PREX2: variants seen among roughly 807,000 people sequenced by gnomAD.
PREX2 encodes phosphatidylinositol-3,4,5-trisphosphate dependent Rac exchange factor 2, also known as phosphatidylinositol 3,4,5-trisphosphate-dependent Rac exchanger 2 protein.
A neutral mutation model predicts 203.2 loss-of-function variants in PREX2; 107 were observed. That is an observed-to-expected ratio of 0.53 (90% CI 0.45 to 0.62). The LOEUF is 0.62. Ranked by LOEUF, PREX2 falls within the 20% of genes least tolerant of loss-of-function variation. PREX2 has a pLI of 0.00. For synonymous variants in PREX2, 672 were observed against 663.6 expected, an observed-to-expected ratio of 1.01 and a Z score of -0.19; for missense variants, 1,777 against 1,955.9, an observed-to-expected ratio of 0.91 and a Z score of 1.72.
chr8:68,171,585 T>A (rs548844713), intron 35 of PREX2, among the ~76,000 whole-genome samples: 16 of 152,274 alleles, frequency 1.1e-4, no homozygotes, highest in African/African-American at 3.8e-4. Flanking sequence ...AGGAACAGCA[T>A]GAGAAAGTGA....
intron 21 of PREX2, among the ~76,000 whole-genome samples, chr8:68,095,351 T>C (rs1810027015): frequency 6.6e-6 from 1 of 152,062 alleles, no homozygotes; most frequent in Admixed American, 6.5e-5. Flanking sequence ...ATCCTGACAC[T>C]AGCTGTGGGC....
At chr8:68,160,694 A>G (rs1039690735) in intron 35 of PREX2, among the ~76,000 whole-genome samples, 2 of 152,208 alleles carry the variant, frequency 1.3e-5, no homozygotes, top group Non-Finnish European at 2.9e-5. Flanking sequence ...AAATAGGATC[A>G]TAAGTAACTA....
chr8:68,022,221 A>T lies in PREX2; in HGVS notation c.441+81A>T, dbSNP rs16934008. On this transcript the variant is annotated intron_variant, in intron 4 of 39. Transcript: ENST00000288368. ...GAGCCAAGGAATAGCATCAATATGGAGTAAAAATCTGTGGGATACCTCTGT... is the reference window on the plus strand; with the variant it reads ...GAGCCAAGGAATAGCATCAATATGGTGTAAAAATCTGTGGGATACCTCTGT... 3.3e-3 allele frequency: 2,483 copies of T among 741,224 alleles called. 20 individuals are homozygous for T. Among genetic ancestry groups the T allele is most frequent in the African/African-American group, 0.026 (1,522 of 57,504 alleles). The allele number at this position is 741,224 out of a possible 1,614,324, so 45.9% of individuals were successfully genotyped here.
chr8:67,968,536 G>A (rs1189205358), intron 1 of PREX2, among the ~76,000 whole-genome samples: 1 of 152,176 alleles, frequency 6.6e-6, no homozygotes, highest in Non-Finnish European at 1.5e-5. Flanking sequence ...TATAACCAAA[G>A]GGAAGGAATT....
chr8:68,049,645 T>C (rs114036446), intron 8 of PREX2, among the ~76,000 whole-genome samples: 2,260 of 152,226 alleles, frequency 0.015, 48 homozygotes, highest in African/African-American at 0.051. Flanking sequence ...AATTTGGATA[T>C]TCCACATTTA....
intron 1 of PREX2, among the ~76,000 whole-genome samples, chr8:67,966,145 G>C (rs1006765110): frequency 7.2e-5 from 11 of 152,112 alleles, no homozygotes; most frequent in African/African-American, 2.7e-4. Flanking sequence ...TATTTCTATA[G>C]ATGAGGATTT....
intron 1 of PREX2, among the ~76,000 whole-genome samples, chr8:67,992,176 G>A (rs1806630546): frequency 6.6e-6 from 1 of 152,122 alleles, no homozygotes; most frequent in African/African-American, 2.4e-5. Flanking sequence ...CCAAAGCTAA[G>A]ATACGAGTGC....
At chr8:68,198,529 TTTG>T (rs1343529894) in intron 37 of PREX2, among the ~76,000 whole-genome samples, 1 of 152,252 alleles carries the variant, frequency 6.6e-6, no homozygotes, top group East Asian at 1.9e-4. Flanking sequence ...GGTGTTTTAA[TTTG>T]TTTTGGTTCT....
At chr8:68,031,329 A>C (rs1807876668) in intron 6 of PREX2, among the ~76,000 whole-genome samples, 1 of 152,202 alleles carries the variant, frequency 6.6e-6, no homozygotes, top group South Asian at 2.1e-4. Flanking sequence ...ACATTGCCTT[A>C]ATTTATATGA....
intron 37 of PREX2, among the ~76,000 whole-genome samples, chr8:68,208,875 G>A (rs2129615070): frequency 6.6e-6 from 1 of 151,972 alleles, no homozygotes; most frequent in African/African-American, 2.4e-5. Context: ...GATCACTTGA[G>A]CCCAGGAGTT....
At chr8:68,160,342 T>C (rs1391796567) in intron 35 of PREX2, among the ~76,000 whole-genome samples, 1 of 152,166 alleles carries the variant, frequency 6.6e-6, no homozygotes, top group African/African-American at 2.4e-5. Flanking sequence ...ATCATAGTTA[T>C]ATATACAATT....
chr8:68,173,917 G>A (rs1000313463), intron 35 of PREX2, among the ~76,000 whole-genome samples: 1 of 152,134 alleles, frequency 6.6e-6, no homozygotes, highest in African/African-American at 2.4e-5. Context: ...GGAAAAATAA[G>A]CATACCCCAA....
intron 23 of PREX2, among the ~76,000 whole-genome samples, chr8:68,102,505 A>G (rs1173557224): frequency 6.6e-6 from 1 of 152,228 alleles, no homozygotes; most frequent in Non-Finnish European, 1.5e-5. Flanking sequence ...CTAATAGGTC[A>G]TGTAAGATTA....
At chr8:68,188,159 T>G (rs1164141188) in intron 35 of PREX2, among the ~76,000 whole-genome samples, 2 of 152,140 alleles carry the variant, frequency 1.3e-5, no homozygotes, top group African/African-American at 4.8e-5. Flanking sequence ...ACCAAATCAC[T>G]CACTAGTTTG....
chr8:67,952,734 C>G (rs1351459161), intron 1 of PREX2, 199 bp downstream of exon 1: 1 of 720,190 alleles, frequency 1.4e-6, no homozygotes, highest in South Asian at 1.6e-5. Flanking sequence ...TGCCCCGAGA[C>G]TCACTGAGTT....
chr8:68,073,501 G>A (rs1047320700), intron 14 of PREX2, among the ~76,000 whole-genome samples: 3 of 151,976 alleles, frequency 2.0e-5, no homozygotes, highest in Admixed American at 6.6e-5. Flanking sequence ...TGGTTCATCT[G>A]TACACACATA....
chr8:68,139,038 A>G (rs753371779), intron 33 of PREX2, among the ~76,000 whole-genome samples: 1 of 152,322 alleles, frequency 6.6e-6, no homozygotes, highest in Non-Finnish European at 1.5e-5. Context: ...TTAAATGCCT[A>G]CTTCTTGCCA....
At chr8:68,156,249 G>A (rs1313210762) in intron 34 of PREX2, among the ~76,000 whole-genome samples, 1 of 152,132 alleles carries the variant, frequency 6.6e-6, no homozygotes, top group Non-Finnish European at 1.5e-5. Context: ...TGTTTTTTTA[G>A]AGACAGGGTC....
chr8:68,220,554 T>C (rs1399400769), intron 38 of PREX2, among the ~76,000 whole-genome samples: 1 of 152,098 alleles, frequency 6.6e-6, no homozygotes, highest in East Asian at 1.9e-4. Context: ...GTTGACATGC[T>C]CCTTGCCTTA....
Sources: allele counts gnomAD v4.1 joint callset (sites outside exome capture counted in the v4.1 genomes callset), GRCh38; gene constraint gnomAD v4.1.1; transcripts MANE v1.5; gene names NCBI Gene and HGNC (gene_info 2026-07-23, HGNC 2026-07-21).